HS6ST3: variants seen among roughly 807,000 people sequenced by gnomAD.
HS6ST3 encodes heparan-sulfate 6-O-sulfotransferase 3.
A neutral mutation model predicts 36.7 loss-of-function variants in HS6ST3; 12 were observed. The observed-to-expected ratio is 0.33, with a 90% CI of 0.21 to 0.53. The LOEUF is 0.53. Ranked by LOEUF, HS6ST3 falls within the 20% of genes least tolerant of loss-of-function variation. HS6ST3 has a pLI of 0.95. For missense variants in HS6ST3, 584 were observed against 640.9 expected, an observed-to-expected ratio of 0.91 and a Z score of 0.96; for synonymous variants, 240 against 257.5, an observed-to-expected ratio of 0.93 and a Z score of 0.65.
chr13:96,836,083 G>A lies in HS6ST3; in HGVS notation c.*2885G>A, dbSNP rs1322928515. ...CACTTCCATGCTGAGTGATGCTCAG[G>A]GAAGTGATGCCCGCAGAAGGCGTCT... On this transcript the variant is annotated 3_prime_UTR_variant, in exon 2 of 2. Transcript: ENST00000376705. 1 of 152,208 alleles carries A rather than the reference G, an allele frequency of 6.6e-6. No homozygotes were observed. Among genetic ancestry groups the A allele is most frequent in the East Asian group, 1.9e-4 (1 of 5,202 alleles). The allele number at this position is 152,208 out of a possible 1,614,324, so 9.4% of individuals were successfully genotyped here.
At chr13:96,135,890 C>T (rs1032576910) in intron 1 of HS6ST3, among the ~76,000 whole-genome samples, 2 of 152,164 alleles carry the variant, frequency 1.3e-5, no homozygotes, top group Non-Finnish European at 2.9e-5. Flanking sequence ...TGAGCACCTC[C>T]ACCCCCACCA....
chr13:96,104,073 A>T (rs185340144), intron 1 of HS6ST3, among the ~76,000 whole-genome samples: 213 of 152,220 alleles, frequency 1.4e-3, no homozygotes, highest in African/African-American at 4.8e-3. Flanking sequence ...CTACAGGTTA[A>T]TATGTCCTGA....
At chr13:96,243,780 A>G (rs1017336059) in intron 1 of HS6ST3, among the ~76,000 whole-genome samples, 2 of 152,000 alleles carry the variant, frequency 1.3e-5, no homozygotes, top group African/African-American at 4.8e-5. Context: ...GTGCTTCTCA[A>G]TTGGTTAATA....
Position 96,209,923 on chromosome 13 carries a change from C to T in HS6ST3, c.707+118354C>T, listed in dbSNP as rs181630691. ...ATTTCCTTTGTCTAATTATCACTGT[C>T]TGAAAATATCATTTTAGTTTGTTTG... On this transcript the variant is annotated intron_variant, in intron 1 of 1. Transcript: ENST00000376705. Among the ~76,000 whole-genome samples, 11 of 152,266 alleles carry T rather than the reference C, an allele frequency of 7.2e-5. No homozygotes were observed. The East Asian group carries it at 2.1e-3, about 29-fold the overall frequency.
At chr13:96,333,509 G>T (rs1209138717) in intron 1 of HS6ST3, among the ~76,000 whole-genome samples, 1 of 152,188 alleles carries the variant, frequency 6.6e-6, no homozygotes, top group Non-Finnish European at 1.5e-5. Flanking sequence ...CTTTTTGGGG[G>T]TCTGCAGTGC....
At chr13:96,256,017 G>A (rs1448450912) in intron 1 of HS6ST3, among the ~76,000 whole-genome samples, 3 of 152,150 alleles carry the variant, frequency 2.0e-5, no homozygotes, top group Admixed American at 6.6e-5. Context: ...CTTAATGATA[G>A]CATGCATTTC....
chr13:96,387,881 C>T (rs929805652), intron 1 of HS6ST3, among the ~76,000 whole-genome samples: 12 of 152,252 alleles, frequency 7.9e-5, no homozygotes, highest in South Asian at 6.2e-4. Flanking sequence ...CTTCAGGGGC[C>T]ATTTGCAGGT....
chr13:96,260,904 T>C (rs1441204520), intron 1 of HS6ST3, among the ~76,000 whole-genome samples: 1 of 152,168 alleles, frequency 6.6e-6, no homozygotes, highest in African/African-American at 2.4e-5. Context: ...CCTCTCAAAG[T>C]GCTGGGATTA....
chr13:96,560,996 A>G (rs963075085), intron 1 of HS6ST3, among the ~76,000 whole-genome samples: 6 of 152,190 alleles, frequency 3.9e-5, no homozygotes, highest in Admixed American at 6.5e-5. Context: ...CACTATTTCT[A>G]TCAAGCTACC....
Position 96,614,126 on chromosome 13 carries a change from G to A in HS6ST3, c.708-218364G>A, listed in dbSNP as rs182126013. On this transcript the variant is annotated intron_variant, in intron 1 of 1. Transcript: ENST00000376705. ...ATCCTGGCTAACATGGTGAAACCCC[G>A]TCTCTACTAAAAATACAAAAAATTA... 4.4e-3 allele frequency among the ~76,000 whole-genome samples: 661 copies of A among 151,428 alleles called. 5 individuals carry two copies. Among genetic ancestry groups the A allele is most frequent in the African/African-American group, 0.015 (632 of 41,194 alleles).
intron 1 of HS6ST3, among the ~76,000 whole-genome samples, chr13:96,528,220 C>T (rs1278674950): frequency 1.3e-5 from 2 of 152,124 alleles, no homozygotes; most frequent in South Asian, 2.1e-4. Flanking sequence ...CTTTACTTGC[C>T]GTGTTTTTCA....
chr13:96,221,642 G>A (rs1033956309), intron 1 of HS6ST3, among the ~76,000 whole-genome samples: 8 of 152,098 alleles, frequency 5.3e-5, no homozygotes, highest in Admixed American at 3.9e-4. Context: ...AGATATCAAG[G>A]AGTGATGGGG....
chr13:96,244,653 C>A (rs1258948081), intron 1 of HS6ST3, among the ~76,000 whole-genome samples: 2 of 152,094 alleles, frequency 1.3e-5, no homozygotes, highest in African/African-American at 4.8e-5. Flanking sequence ...TCACCTAGTT[C>A]TAGGTAATTC....
chr13:96,468,082 T>C (rs1044464200), intron 1 of HS6ST3, among the ~76,000 whole-genome samples: 1 of 152,212 alleles, frequency 6.6e-6, no homozygotes, highest in African/African-American at 2.4e-5. Flanking sequence ...GGGCTATGTT[T>C]TCCTAATGAT....
chr13:96,778,159 A>G (rs1462168396), intron 1 of HS6ST3, among the ~76,000 whole-genome samples: 2 of 152,222 alleles, frequency 1.3e-5, no homozygotes, highest in Admixed American at 6.5e-5. Context: ...CTTACACATT[A>G]TTCAAAAATT....
At chr13:96,276,052 ACCATTCCCATCATGCCTTG>A (rs2054746994) in intron 1 of HS6ST3, among the ~76,000 whole-genome samples, 1 of 151,740 alleles carries the variant, frequency 6.6e-6, no homozygotes, top group South Asian at 2.1e-4. Context: ...CATATGCCTT[ACCATTCCCATCATGCCTTG>A]CCATTCCCAG....
At chr13:96,254,490 T>C (rs1566302699) in intron 1 of HS6ST3, among the ~76,000 whole-genome samples, 1 of 27,420 alleles carries the variant, frequency 3.6e-5, no homozygotes, top group African/African-American at 1.4e-4. Flanking sequence ...TATATATATA[T>C]ATATATATAC....
At chr13:96,755,847 A>T (rs184710746) in intron 1 of HS6ST3, among the ~76,000 whole-genome samples, 100 of 152,338 alleles carry the variant, frequency 6.6e-4, no homozygotes, top group Admixed American at 1.4e-3. Context: ...CCATTGGCTA[A>T]TACCTAGGAG....
At chr13:96,624,846 C>A (rs983442161) in intron 1 of HS6ST3, among the ~76,000 whole-genome samples, 2 of 152,078 alleles carry the variant, frequency 1.3e-5, no homozygotes, top group Non-Finnish European at 2.9e-5. Context: ...ATTTTTGATT[C>A]ATTCTATTGT....
Sources: allele counts gnomAD v4.1 joint callset (sites outside exome capture counted in the v4.1 genomes callset), GRCh38; gene constraint gnomAD v4.1.1; transcripts MANE v1.5; gene names NCBI Gene and HGNC (gene_info 2026-07-23, HGNC 2026-07-21).